Variants in FGD3 observed in about 807,000 individuals in gnomAD.
FGD3 encodes the protein FYVE, RhoGEF and PH domain containing 3, also known as FYVE, RhoGEF and PH domain-containing protein 3.
A neutral mutation model predicts 71.8 loss-of-function variants in FGD3; 45 were observed. That is an observed-to-expected ratio of 0.63 (90% confidence interval 0.49 to 0.80). FGD3 has a LOEUF of 0.80. Among genes scored for constraint, FGD3 ranks in the 30% least tolerant of loss-of-function variants. The pLI is 0.00. For missense variants in FGD3, 844 were observed against 951.5 expected, an observed-to-expected ratio of 0.89 and a Z score of 1.49; for synonymous variants, 378 against 392.8, an observed-to-expected ratio of 0.96 and a Z score of 0.44.
chr9:93,019,992 C>A, intron 12 of FGD3, 131 bp downstream of exon 12: 1 of 937,316 alleles, frequency 1.1e-6, no homozygotes, highest in Non-Finnish European at 1.7e-6. Flanking sequence ...TGCAGGGATG[C>A]AGTGACCACA....
At chr9:92,999,696 C>T (rs754638757) in intron 3 of FGD3, among the ~76,000 whole-genome samples, 57 of 151,248 alleles carry the variant, frequency 3.8e-4, no homozygotes, top group African/African-American at 7.3e-4. Flanking sequence ...CGGGTTCAAG[C>T]GATTCTCCTG....
intron 3 of FGD3, among the ~76,000 whole-genome samples, chr9:92,979,111 C>T (rs1859891512): frequency 6.6e-6 from 1 of 151,880 alleles, no homozygotes. Context: ...CTTTTTCTCT[C>T]CTAATTGCTC....
chr9:93,029,751 G>A, intron 14 of FGD3, 123 bp from the exon 15 acceptor site: 1 of 1,323,072 alleles, frequency 7.6e-7, no homozygotes, highest in Non-Finnish European at 1.0e-6. Context: ...CCTTCTGCAT[G>A]TTCCACTTTT....
intron 14 of FGD3, among the ~76,000 whole-genome samples, chr9:93,025,712 C>T (rs538533667): frequency 6.6e-6 from 1 of 152,342 alleles, no homozygotes; most frequent in East Asian, 1.9e-4. Flanking sequence ...CCCTGATGGG[C>T]AAGCGTGGAG....
chr9:92,984,310 C>G (rs1459866711), intron 3 of FGD3, among the ~76,000 whole-genome samples: 4 of 152,212 alleles, frequency 2.6e-5, no homozygotes, highest in African/African-American at 9.6e-5. Flanking sequence ...CATACAAAAT[C>G]CTTTTCATGC....
chr9:92,958,702 C>T (rs555076257), intron 1 of FGD3, among the ~76,000 whole-genome samples: 9 of 152,278 alleles, frequency 5.9e-5, no homozygotes, highest in African/African-American at 2.2e-4. Context: ...TTAGCATTCA[C>T]AATTAAGGTT....
At chr9:92,996,004 G>A (rs1203468011) in intron 3 of FGD3, among the ~76,000 whole-genome samples, 1 of 152,104 alleles carries the variant, frequency 6.6e-6, no homozygotes, top group Non-Finnish European at 1.5e-5. Flanking sequence ...AATGAAATAG[G>A]GAAGATAACC....
At chr9:93,009,899 T>C (rs909243921) in intron 6 of FGD3, among the ~76,000 whole-genome samples, 1 of 152,186 alleles carries the variant, frequency 6.6e-6, no homozygotes, top group Non-Finnish European at 1.5e-5. Context: ...GAAGGAGCCC[T>C]GCTTAGGCCC....
At chr9:92,982,647 G>A (rs1475315259) in intron 3 of FGD3, among the ~76,000 whole-genome samples, 4 of 150,966 alleles carry the variant, frequency 2.6e-5, no homozygotes, top group East Asian at 3.9e-4. Context: ...CATGCAGTTC[G>A]CTCCTGTTCT....
At chr9:93,022,449 G>C (rs1166488601) in intron 14 of FGD3, 60 bp downstream of exon 14, 3 of 1,572,586 alleles carry the variant, frequency 1.9e-6, no homozygotes, top group Non-Finnish European at 2.6e-6. Context: ...GGTCAGACCA[G>C]GATGACCTAT....
intron 1 of FGD3, among the ~76,000 whole-genome samples, chr9:92,960,969 G>A (rs890491003): frequency 2.0e-5 from 3 of 151,238 alleles, no homozygotes; most frequent in African/African-American, 7.3e-5. Flanking sequence ...GTGAGTGGGT[G>A]CTCTTCCAGG....
intron 1 of FGD3, among the ~76,000 whole-genome samples, chr9:92,961,691 G>C (rs545588043): frequency 2.3e-4 from 35 of 152,342 alleles, no homozygotes; most frequent in Non-Finnish European, 4.7e-4. Flanking sequence ...GGCTACAGAT[G>C]GTGGCTGGGG....
chr9:93,015,634 CA>C, intron 9 of FGD3, 102 bp from the exon 10 acceptor site: 1 of 742,658 alleles, frequency 1.3e-6, no homozygotes, highest in Non-Finnish European at 2.3e-6. Context: ...CACTTTATAA[CA>C]TTAAAAAAAA....
intron 12 of FGD3, 63 bp downstream of exon 12, chr9:93,019,924 T>C: frequency 6.3e-7 from 1 of 1,586,330 alleles, no homozygotes; most frequent in Non-Finnish European, 8.7e-7. Flanking sequence ...AGGCCATTCA[T>C]GTTGGTTCAG....
At chr9:92,954,618 A>G (rs988363546) in intron 1 of FGD3, among the ~76,000 whole-genome samples, 4 of 152,214 alleles carry the variant, frequency 2.6e-5, no homozygotes, top group Non-Finnish European at 5.9e-5. Context: ...CTCAGGGGCC[A>G]TCTCCCAAGG....
chr9:93,018,126 GC>G lies in FGD3; in HGVS notation c.1276-6del. ...TGGGTTTGCTTTGTTCTTTGTTCTT[GC>G]CCCTTCAGGTGCAGGATATCGTCAA... On this transcript the variant is annotated splice_polypyrimidine_tract_variant and intron_variant, in intron 10 of 17. Transcript: ENST00000375482. The G allele has an allele frequency of 6.2e-7, 1 of 1,613,636 alleles. No homozygotes were observed.
At chr9:92,958,002 AT>A (rs34120692) in intron 1 of FGD3, among the ~76,000 whole-genome samples, 8,257 of 137,118 alleles carry the variant, frequency 0.06, 345 homozygotes, top group East Asian at 0.26. Flanking sequence ...AAAATATTTA[AT>A]TTTTTTTTTT....
Position 93,035,791 on chromosome 9 carries a change from G to A in FGD3, c.*202G>A. 1.3e-6 allele frequency: 1 copy of A among 749,718 alleles called. No homozygotes were observed. 46.4% of individuals were successfully genotyped at this position (749,718 alleles called of 1,614,324 possible). On this transcript the variant is annotated 3_prime_UTR_variant, in exon 18 of 18. Transcript: ENST00000375482. ...GCCAAGGGTCACCCAGCAAGTTTTGGCTAAGAGCCTGGCCTCCAGCCCCAG... is the reference window on the plus strand; with the variant it reads ...GCCAAGGGTCACCCAGCAAGTTTTGACTAAGAGCCTGGCCTCCAGCCCCAG...
chr9:93,010,827 G>A (rs1057404439), intron 7 of FGD3, among the ~76,000 whole-genome samples: 1 of 152,068 alleles, frequency 6.6e-6, no homozygotes, highest in East Asian at 1.9e-4. Context: ...TGAAGTATGC[G>A]GGTGGACATT....
Sources: allele counts gnomAD v4.1 joint callset (sites outside exome capture counted in the v4.1 genomes callset), GRCh38; gene constraint gnomAD v4.1.1; transcripts MANE v1.5; gene names NCBI Gene and HGNC (gene_info 2026-07-23, HGNC 2026-07-21).